The following MCC variants were observed in gnomAD, a reference collection of about 807,000 sequenced individuals.
MCC encodes the protein colorectal mutant cancer protein.
A neutral mutation model predicts 116.2 loss-of-function variants in MCC; 90 were observed. The observed-to-expected ratio is 0.77, with a 90% CI of 0.65 to 0.92. MCC has a LOEUF of 0.92. MCC is among the 40% of genes least tolerant of loss of function. MCC has a pLI of 0.00. For synonymous variants in MCC, 578 were observed against 510.5 expected, an observed-to-expected ratio of 1.13 and a Z score of -1.78; for missense variants, 1,516 against 1,312.2, an observed-to-expected ratio of 1.16 and a Z score of -2.40.
intron 6 of MCC, among the ~76,000 whole-genome samples, chr5:113,114,642 AGAG>A (rs1292223731): frequency 6.6e-6 from 1 of 152,190 alleles, no homozygotes; most frequent in Non-Finnish European, 1.5e-5. Flanking sequence ...GAAGGGAAGA[AGAG>A]GAGAAGCAGC....
At position 113,434,202 on chromosome 5, in the gene MCC, G is replaced by C; in HGVS notation, c.171-48990C>G. The C allele has an allele frequency of 1.2e-6, 2 of 1,614,130 alleles. No individual in the cohort carries two copies. The highest frequency in any genetic ancestry group is 1.7e-6 in the Non-Finnish European group (2 of 1,179,974). On this transcript the variant is annotated intron_variant, in intron 1 of 18. Coordinates refer to ENST00000408903, the MANE Select transcript of MCC (RefSeq NM_001085377.2). This position sits in a 1 kb window ranked among gnomAD's most constrained non-coding sequence, Gnocchi z 4.2. Reference sequence around the variant, plus strand: ...GATGTTGGAGTCGTCGTAGGGCATGGAGCCGCAGACCATGATGTAGAGGAT... The same window carrying C: ...GATGTTGGAGTCGTCGTAGGGCATGCAGCCGCAGACCATGATGTAGAGGAT...
intron 14 of MCC, among the ~76,000 whole-genome samples, chr5:113,062,702 G>A (rs1753305797): frequency 6.6e-6 from 1 of 152,226 alleles, no homozygotes; most frequent in Non-Finnish European, 1.5e-5. Flanking sequence ...GTGCTTCACT[G>A]AATGAGACAA....
intron 2 of MCC, among the ~76,000 whole-genome samples, chr5:113,368,375 G>A (rs190262681): frequency 6.6e-6 from 1 of 152,108 alleles, no homozygotes; most frequent in Admixed American, 6.6e-5. Context: ...TCTCTTTGAA[G>A]GAAAATTTCA....
At chr5:113,157,409 C>G (rs554093163) in intron 3 of MCC, among the ~76,000 whole-genome samples, 2 of 152,234 alleles carry the variant, frequency 1.3e-5, no homozygotes, top group South Asian at 2.1e-4. Flanking sequence ...GGACTTCAGT[C>G]TGTGCTTTGA....
chr5:113,260,238 C>G (rs6594695), intron 3 of MCC, among the ~76,000 whole-genome samples: 16,401 of 152,102 alleles, frequency 0.11, 1,393 homozygotes, highest in Admixed American at 0.25. Context: ...TCAAAATTAA[C>G]AAATTTTTAA....
chr5:113,030,025 T>C (rs892376424), intron 17 of MCC, among the ~76,000 whole-genome samples: 2 of 152,222 alleles, frequency 1.3e-5, no homozygotes, highest in African/African-American at 4.8e-5. Flanking sequence ...TAGAACAACT[T>C]ACTGAAGGTA....
At chr5:113,232,819 C>T (rs1763984348) in intron 3 of MCC, among the ~76,000 whole-genome samples, 1 of 152,044 alleles carries the variant, frequency 6.6e-6, no homozygotes, top group Non-Finnish European at 1.5e-5. Context: ...GGCTTGGAGC[C>T]AGATGGTCTG....
At chr5:113,226,163 TAAAC>T (rs748179460) in intron 3 of MCC, among the ~76,000 whole-genome samples, 10 of 152,206 alleles carry the variant, frequency 6.6e-5, no homozygotes, top group South Asian at 6.2e-4. Context: ...GCTCTGTCTC[TAAAC>T]AAACAAACAA....
At chr5:113,238,141 G>A (rs945879898) in intron 3 of MCC, among the ~76,000 whole-genome samples, 1 of 152,272 alleles carries the variant, frequency 6.6e-6, no homozygotes, top group Non-Finnish European at 1.5e-5. Context: ...CATGCAACCA[G>A]TCACTTAAAC....
At chr5:113,359,620 T>TA (rs568906381) in intron 2 of MCC, among the ~76,000 whole-genome samples, 4 of 152,200 alleles carry the variant, frequency 2.6e-5, no homozygotes, top group East Asian at 1.9e-4. Context: ...TTTAACCTTT[T>TA]AAAAAAAACA....
In MCC at chr5:113,269,105, G is replaced by C. The variant is rs371365697; in HGVS notation, c.627+71414C>G. The C allele has an allele frequency of 1.4e-5, 13 of 901,688 alleles. No homozygotes were observed. The East Asian group carries it at 1.5e-3, about 107-fold the overall frequency. 55.9% of individuals were successfully genotyped at this position (901,688 alleles called of 1,614,324 possible). On this transcript the variant is annotated intron_variant, in intron 3 of 18. Transcript: ENST00000408903. ...ATTTGATGGAGAAGACAGGGATGAAGGAAATAAAAGTCAGACCAGCCTTGC... is the reference window on the plus strand; with the variant it reads ...ATTTGATGGAGAAGACAGGGATGAACGAAATAAAAGTCAGACCAGCCTTGC...
intron 3 of MCC, among the ~76,000 whole-genome samples, chr5:113,260,692 A>C (rs1327665747): frequency 6.6e-6 from 1 of 152,068 alleles, no homozygotes; most frequent in Non-Finnish European, 1.5e-5. Context: ...GATTTTGGAA[A>C]ATACTGGTTA....
In MCC at chr5:113,063,952, C is replaced by G; in HGVS notation, c.2213+32G>C. The stretch of plus-strand genomic sequence containing the variant: ...AGTGAACAGATGCCATGTGGACACA[C>G]GCCCACCCCAGAGCAGAAGGCTGAG... On this transcript the variant is annotated intron_variant, in intron 14 of 18. Transcript: ENST00000408903. 2.5e-6 allele frequency: 4 copies of G among 1,584,984 alleles called. No homozygotes were observed. In the African/African-American group the frequency reaches 4.0e-5, roughly 16 times the overall value.
intron 3 of MCC, among the ~76,000 whole-genome samples, chr5:113,254,930 C>T (rs1365226648): frequency 6.6e-6 from 1 of 152,074 alleles, no homozygotes; most frequent in Non-Finnish European, 1.5e-5. Context: ...TTTGGGAGGC[C>T]GAGGTGGGTG....
chr5:113,053,216 C>CT (rs1396116172), intron 15 of MCC, among the ~76,000 whole-genome samples: 1 of 152,156 alleles, frequency 6.6e-6, no homozygotes, highest in Non-Finnish European at 1.5e-5. Flanking sequence ...CACTGAAACA[C>CT]TGACCTCAAC....
chr5:113,194,239 G>A (rs918306658), intron 3 of MCC, among the ~76,000 whole-genome samples: 7 of 152,190 alleles, frequency 4.6e-5, no homozygotes, highest in Non-Finnish European at 1.0e-4. Context: ...GGGGGACATG[G>A]TGATAACCTA....
At chr5:113,379,532 C>T (rs930580186) in intron 2 of MCC, among the ~76,000 whole-genome samples, 47 of 152,246 alleles carry the variant, frequency 3.1e-4, no homozygotes, top group African/African-American at 1.1e-3. Context: ...AGTTCCATGG[C>T]AACTCAGTGG....
At chr5:113,224,761 T>C (rs1236718921) in intron 3 of MCC, among the ~76,000 whole-genome samples, 7 of 152,214 alleles carry the variant, frequency 4.6e-5, no homozygotes, top group Admixed American at 4.6e-4. Flanking sequence ...TGCTACTAAG[T>C]TCAAATCTTT....
chr5:113,488,351 T>TGCCGCCGCCGCCGCTGCC lies in MCC; in HGVS notation c.63_64insGGCAGCGGCGGCGGCGGC (p.Gly21_Ser22insGlySerGlyGlyGlyGly), dbSNP rs1772612373. 4.1e-6 allele frequency: 6 copies of TGCCGCCGCCGCCGCTGCC among 1,455,502 alleles called. No individual in the cohort carries two copies. In the East Asian group the frequency reaches 1.2e-4, roughly 30 times the overall value. The allele number at this position is 1,455,502 out of a possible 1,614,324, so 90.2% of individuals were successfully genotyped here. A position where few individuals can be genotyped will look rare whatever the true frequency, so the allele number is the denominator to read the frequency against. On this transcript the variant is annotated inframe_insertion, in exon 1 of 19. Transcript: ENST00000408903. ...TCGCTGCTGCTGCTGCTGCTGCCGC[T>TGCCGCCGCCGCCGCTGCC]GCCGCCGCCGCCGCCGCCGCTGCTG...
Sources: allele counts gnomAD v4.1 joint callset (sites outside exome capture counted in the v4.1 genomes callset), GRCh38; gene constraint gnomAD v4.1.1; non-coding constraint Gnocchi (gnomAD v3.1); transcripts MANE v1.5; gene names NCBI Gene and HGNC (gene_info 2026-07-23, HGNC 2026-07-21).